The following COLEC11 variants were observed in gnomAD, a reference collection of about 807,000 sequenced individuals.
COLEC11 encodes collectin-11.
A neutral mutation model predicts 27.3 loss-of-function variants in COLEC11; 20 were observed. The ratio of observed to expected loss-of-function variants is 0.73; its 90% confidence interval spans 0.51 to 1.06. The LOEUF (loss-of-function observed/expected upper bound fraction) is 1.06, where lower values mean the gene tolerates loss of function less well. COLEC11 is among the 50% of genes least tolerant of loss of function. COLEC11 has a pLI of 0.00. For missense variants in COLEC11, 310 were observed against 383.0 expected (o/e 0.81, Z 1.59); for synonymous variants, 163 against 154.7 (o/e 1.05, Z -0.40).
At chr2:3,624,057 T>G (rs1664359697) in intron 3 of COLEC11, among the ~76,000 whole-genome samples, 1 of 152,214 alleles carries the variant, frequency 6.6e-6, no homozygotes, top group African/African-American at 2.4e-5. Context: ...TTGCTTCTCT[T>G]GGAGAGGGGT....
At chr2:3,621,698 G>A (rs1478839891) in intron 3 of COLEC11, among the ~76,000 whole-genome samples, 3 of 151,914 alleles carry the variant, frequency 2.0e-5, no homozygotes, top group Non-Finnish European at 4.4e-5. Flanking sequence ...TTTCTTTTGT[G>A]TATGTACTAG....
At chr2:3,639,761 C>A (rs1665705858) in intron 4 of COLEC11, among the ~76,000 whole-genome samples, 1 of 135,728 alleles carries the variant, frequency 7.4e-6, no homozygotes, top group Non-Finnish European at 1.5e-5. Flanking sequence ...CAGGATGGAG[C>A]CCAGGCTCCT....
Position 3,624,489 on chromosome 2 carries a change from C to CT in COLEC11, c.202+11114dup, listed in dbSNP as rs373279211. On this transcript the variant is annotated intron_variant, in intron 3 of 6. Transcript: ENST00000349077. The stretch of plus-strand genomic sequence containing the variant: ...GGAGGTGAGACAAGAAAGAAGCAGA[C>CT]TTTTTTTGGGCAGCATCCTGCATGG... Among the ~76,000 whole-genome samples the CT allele has an allele frequency of 2.5e-3, 375 of 152,234 alleles. 2 individuals carry two copies. The highest frequency in any genetic ancestry group is 8.5e-3 in the African/African-American group (353 of 41,532).
At chr2:3,600,199 C>T (rs1189687089) in intron 1 of COLEC11, among the ~76,000 whole-genome samples, 17 of 148,272 alleles carry the variant, frequency 1.1e-4, no homozygotes, top group Non-Finnish European at 2.5e-4. Context: ...CGAGCCACTG[C>T]ACCCCAGCCT....
intron 4 of COLEC11, among the ~76,000 whole-genome samples, chr2:3,639,392 T>C (rs1665682027): frequency 6.6e-6 from 1 of 152,240 alleles, no homozygotes; most frequent in African/African-American, 2.4e-5. Context: ...ATTTGCTTCG[T>C]GTCTGAGATT....
chr2:3,625,506 G>A (rs1328091126), intron 3 of COLEC11, among the ~76,000 whole-genome samples: 2 of 152,176 alleles, frequency 1.3e-5, no homozygotes, highest in Non-Finnish European at 2.9e-5. Context: ...TCCATAAAGG[G>A]ATGTGGCATT....
chr2:3,627,789 G>A (rs1383852480), intron 3 of COLEC11, among the ~76,000 whole-genome samples: 1 of 151,924 alleles, frequency 6.6e-6, no homozygotes, highest in African/African-American at 2.4e-5. Context: ...ATCTGGGCAC[G>A]ACGATGCTGG....
intron 3 of COLEC11, among the ~76,000 whole-genome samples, chr2:3,633,125 C>G (rs958870221): frequency 5.3e-5 from 8 of 152,206 alleles, no homozygotes; most frequent in African/African-American, 1.7e-4. Context: ...GCCCCACTTT[C>G]CCGTCTTCCC....
At chr2:3,642,824 C>T (rs1665970278) in intron 5 of COLEC11, among the ~76,000 whole-genome samples, 1 of 152,196 alleles carries the variant, frequency 6.6e-6, no homozygotes, top group Admixed American at 6.5e-5. Flanking sequence ...CCACGGCCTG[C>T]AGGTGCTCCT....
intron 2 of COLEC11, among the ~76,000 whole-genome samples, chr2:3,612,182 GCA>G (rs371823319): frequency 1.3e-5 from 2 of 152,016 alleles, no homozygotes; most frequent in African/African-American, 4.8e-5. Flanking sequence ...GCACACACGC[GCA>G]CACATACACG....
chr2:3,628,801 T>A (rs1401519784), intron 3 of COLEC11, among the ~76,000 whole-genome samples: 1 of 152,286 alleles, frequency 6.6e-6, no homozygotes, highest in East Asian at 1.9e-4. Context: ...TAATAAGAAC[T>A]CCACACCTGC....
Position 3,599,547 on chromosome 2 carries a change from C to T in COLEC11, c.-27+4379C>T, listed in dbSNP as rs142575380. On this transcript the variant is annotated intron_variant, in intron 1 of 6. Transcript: ENST00000349077. ...TGCCACACTGGGTCACGGTGCCACA[C>T]GCATTAATTACCGCTGCAATCCCTT... 3.4e-3 allele frequency among the ~76,000 whole-genome samples: 518 copies of T among 152,320 alleles called. 3 individuals carry two copies. The highest frequency in any genetic ancestry group is 0.012 in the African/African-American group (494 of 41,572).
intron 3 of COLEC11, among the ~76,000 whole-genome samples, chr2:3,619,387 TATG>T (rs1332594179): frequency 6.6e-6 from 1 of 152,220 alleles, no homozygotes; most frequent in Non-Finnish European, 1.5e-5. Flanking sequence ...CACCAGTGAG[TATG>T]ATGTTAGCTG....
chr2:3,639,449 G>A (rs945846951), intron 4 of COLEC11, among the ~76,000 whole-genome samples: 22 of 152,154 alleles, frequency 1.4e-4, no homozygotes, highest in African/African-American at 5.1e-4. Context: ...CCAAGCTCCC[G>A]ATGCTGATAA....
intron 2 of COLEC11, among the ~76,000 whole-genome samples, chr2:3,610,564 G>A (rs545424977): frequency 3.3e-5 from 5 of 152,196 alleles, no homozygotes; most frequent in East Asian, 1.9e-4. Context: ...CGTGGCATGG[G>A]TGGTCAGGTT....
At chr2:3,639,905 C>G (rs142710598) in intron 4 of COLEC11, among the ~76,000 whole-genome samples, 2 of 152,186 alleles carry the variant, frequency 1.3e-5, no homozygotes, top group African/African-American at 4.8e-5. Flanking sequence ...CATCATGCTC[C>G]GTCTGGATTT....
intron 3 of COLEC11, among the ~76,000 whole-genome samples, chr2:3,625,594 GAGTTTGGAA>G (rs1249306412): frequency 1.3e-5 from 2 of 148,638 alleles, no homozygotes; most frequent in Non-Finnish European, 3.0e-5. Context: ...TTGGACCCAT[GAGTTTGGAA>G]AGTTTCTTTT....
intron 1 of COLEC11, among the ~76,000 whole-genome samples, chr2:3,603,213 T>A (rs1323348785): frequency 6.6e-6 from 1 of 152,246 alleles, no homozygotes; most frequent in Non-Finnish European, 1.5e-5. Context: ...CCTTCTGGCC[T>A]GTCCCTCTCT....
rs532393510 is a variant in COLEC11 at position 3,639,702 on chromosome 2, C to A, written c.275-576C>A. On this transcript the variant is annotated intron_variant, in intron 4 of 6. Coordinates refer to ENST00000349077, the MANE Select transcript of COLEC11 (RefSeq NM_024027.5). ...TTGGACGTTGAGGAGAACTGAGGGG[C>A]AGGGTGGTGAGGTGGCTTGTCCCAT... is the stretch of plus-strand genomic sequence containing the variant. 1.1e-4 allele frequency among the ~76,000 whole-genome samples: 16 copies of A among 152,318 alleles called. No homozygotes were observed. The East Asian group carries it at 3.1e-3, about 29-fold the overall frequency.
Sources: gnomAD v4.1 joint callset for allele counts (sites outside exome capture counted in the v4.1 genomes callset) on GRCh38, gnomAD v4.1.1 for gene constraint, MANE v1.5 for transcripts, NCBI Gene and HGNC (gene_info 2026-07-23, HGNC 2026-07-21) for gene names.